The following PRKCE variants were observed in gnomAD, a reference collection of about 807,000 sequenced individuals.
PRKCE encodes protein kinase C epsilon type.
PRKCE carries 16 observed loss-of-function variants against 85.4 expected under a neutral mutation model. That is an observed-to-expected ratio of 0.19 (90% CI 0.13 to 0.28). The LOEUF (loss-of-function observed/expected upper bound fraction) is 0.28. PRKCE is among the 10% of genes least tolerant of loss of function. PRKCE has a pLI of 1.00. For synonymous variants in PRKCE, 388 were observed against 371.5 expected (o/e 1.04, Z -0.51); for missense variants, 573 against 975.2 (o/e 0.59, Z 5.49).
At chr2:45,795,254 C>T (rs1008793429) in intron 1 of PRKCE, among the ~76,000 whole-genome samples, 6 of 152,150 alleles carry the variant, frequency 3.9e-5, no homozygotes, top group Non-Finnish European at 5.9e-5. Context: ...CCCACCACCC[C>T]GCACCACCAC....
chr2:45,837,076 A>T (rs1213060518), intron 1 of PRKCE, among the ~76,000 whole-genome samples: 3 of 152,132 alleles, frequency 2.0e-5, no homozygotes, highest in Non-Finnish European at 4.4e-5. Context: ...AACCCCCAAC[A>T]TGTAGGTGTA....
chr2:45,922,555 C>T (rs1466752131), intron 2 of PRKCE, among the ~76,000 whole-genome samples: 2 of 152,210 alleles, frequency 1.3e-5, no homozygotes, highest in African/African-American at 4.8e-5. Flanking sequence ...GCCACCTGCT[C>T]TCTTCCTACT....
At chr2:45,723,728 C>A (rs1029431943) in intron 1 of PRKCE, among the ~76,000 whole-genome samples, 3 of 152,174 alleles carry the variant, frequency 2.0e-5, no homozygotes, top group Admixed American at 2.0e-4. Flanking sequence ...CCTCAGCGTC[C>A]TGAATAGCTG....
At chr2:45,680,263 C>T (rs1245161896) in intron 1 of PRKCE, among the ~76,000 whole-genome samples, 6 of 152,206 alleles carry the variant, frequency 3.9e-5, no homozygotes, top group African/African-American at 1.4e-4. Context: ...CTTAGGAGGT[C>T]TAGCAGCAAG....
chr2:46,169,055 T>C (rs1181922081), intron 14 of PRKCE, among the ~76,000 whole-genome samples: 1 of 152,232 alleles, frequency 6.6e-6, no homozygotes, highest in Non-Finnish European at 1.5e-5. Context: ...AGCCAGAATT[T>C]GTTCCCTGAA....
chr2:45,983,186 G>T (rs1558918683), intron 5 of PRKCE, among the ~76,000 whole-genome samples: 1 of 152,230 alleles, frequency 6.6e-6, no homozygotes. Context: ...TCCAATGGAA[G>T]GATCAGCCAT....
At chr2:45,796,863 G>A (rs879437021) in intron 1 of PRKCE, among the ~76,000 whole-genome samples, 10 of 152,244 alleles carry the variant, frequency 6.6e-5, no homozygotes, top group South Asian at 6.2e-4. Flanking sequence ...AGTGATCCTC[G>A]CGCCTCAGCG....
At chr2:45,691,291 G>A (rs1301606327) in intron 1 of PRKCE, among the ~76,000 whole-genome samples, 2 of 152,172 alleles carry the variant, frequency 1.3e-5, no homozygotes, top group Non-Finnish European at 2.9e-5. Context: ...AACAGGCTGG[G>A]TGCACCTGTT....
chr2:45,965,451 G>A (rs1191835904), intron 2 of PRKCE, among the ~76,000 whole-genome samples: 2 of 152,188 alleles, frequency 1.3e-5, no homozygotes, highest in Non-Finnish European at 2.9e-5. Flanking sequence ...TCAAAACAGA[G>A]CATTATTGAA....
intron 1 of PRKCE, among the ~76,000 whole-genome samples, chr2:45,802,766 C>T (rs1374138141): frequency 6.6e-6 from 1 of 152,234 alleles, no homozygotes; most frequent in Non-Finnish European, 1.5e-5. Context: ...GGATCCAGTT[C>T]AGTGGCTCTC....
intron 1 of PRKCE, among the ~76,000 whole-genome samples, chr2:45,840,112 C>G (rs1453035809): frequency 1.3e-5 from 2 of 152,208 alleles, no homozygotes; most frequent in African/African-American, 2.4e-5. Context: ...CTCTCTCCCT[C>G]CCTGCTTTAC....
chr2:46,009,481 C>T (rs554361459), intron 9 of PRKCE, among the ~76,000 whole-genome samples: 1 of 152,290 alleles, frequency 6.6e-6, no homozygotes, highest in South Asian at 2.1e-4. Context: ...TAACATTTCA[C>T]ACCTATTAAG....
At chr2:46,171,412 C>T (rs944498223) in intron 14 of PRKCE, among the ~76,000 whole-genome samples, 1 of 152,218 alleles carries the variant, frequency 6.6e-6, no homozygotes, top group Non-Finnish European at 1.5e-5. Context: ...ACAGCAACAC[C>T]GCTATTGACA....
chr2:45,938,610 T>G (rs562826844), intron 2 of PRKCE, among the ~76,000 whole-genome samples: 1 of 152,276 alleles, frequency 6.6e-6, no homozygotes, highest in Non-Finnish European at 1.5e-5. Flanking sequence ...GGCCTCCAAT[T>G]TGCATTCTTT....
intron 1 of PRKCE, among the ~76,000 whole-genome samples, chr2:45,819,909 GCTGTGT>G (rs1689385586): frequency 1.3e-5 from 2 of 152,190 alleles, no homozygotes; most frequent in Non-Finnish European, 2.9e-5. Flanking sequence ...CTGGTTTGGG[GCTGTGT>G]CATTGCACAG....
At position 45,984,435 on chromosome 2, in the gene PRKCE, C is replaced by T. The variant is rs1703148228; in HGVS notation, c.694-116C>T. ...GCAGCTTTTAGAGCCAAGCTAGGGCCTGCCACCTACAATGACACAAGCTCT... is the reference window on the plus strand; with the variant it reads ...GCAGCTTTTAGAGCCAAGCTAGGGCTTGCCACCTACAATGACACAAGCTCT... On this transcript the variant is annotated intron_variant, in intron 5 of 14. Transcript: ENST00000306156. The T allele has an allele frequency of 4.1e-6, 6 of 1,452,736 alleles. No homozygotes were observed. In the African/African-American group the frequency reaches 7.0e-5, roughly 17 times the overall value. 90.0% of individuals were successfully genotyped at this position (1,452,736 alleles called of 1,614,324 possible).
intron 11 of PRKCE, among the ~76,000 whole-genome samples, chr2:46,107,253 G>A (rs1373667902): frequency 1.3e-5 from 2 of 152,170 alleles, no homozygotes; most frequent in African/African-American, 2.4e-5. Context: ...CAGACAGTGT[G>A]TAACCTTTTC....
At chr2:45,900,904 G>A (rs973477238) in intron 2 of PRKCE, among the ~76,000 whole-genome samples, 22 of 152,238 alleles carry the variant, frequency 1.4e-4, no homozygotes, top group African/African-American at 4.6e-4. Flanking sequence ...ATTGCTTTCT[G>A]CTGAGGAGAG....
At chr2:45,859,669 G>C (rs1360318765) in intron 2 of PRKCE, among the ~76,000 whole-genome samples, 1 of 152,144 alleles carries the variant, frequency 6.6e-6, no homozygotes, top group African/African-American at 2.4e-5. Context: ...TAGTGCTTCA[G>C]AGGCAGTCAT....
Sources: allele counts gnomAD v4.1 joint callset (sites outside exome capture counted in the v4.1 genomes callset), GRCh38; gene constraint gnomAD v4.1.1; transcripts MANE v1.5; gene names NCBI Gene and HGNC (gene_info 2026-07-23, HGNC 2026-07-21).